EPPK1: variants seen among roughly 807,000 people sequenced by gnomAD.
EPPK1 encodes epiplakin 1, also known as epiplakin.
For synonymous variants in EPPK1, 1,862 were observed against 1,721.2 expected (o/e 1.08, Z -2.03); for missense variants, 3,823 against 3,673.3 (o/e 1.04, Z -1.05).
chr8:143,871,888 C>G lies in EPPK1; in HGVS notation c.1366G>C (p.Val456Leu), dbSNP rs782354575. Reference protein sequence around the residue: ...LRYEQLLALCVTDPETGLAFL... With the variant: ...LRYEQLLALCLTDPETGLAFL... ...GCAAGCCCGGTCTCTGGGTCGGTGA[C>G]ACAGAGGGCCAGCAGCTGTTCATAG... The change falls in exon 2 of 2, where the codon GTC becomes CTC. Residue 456 changes from valine to leucine, a missense_variant. Val to Leu is a conservative substitution (Grantham distance 32). Transcript: ENST00000615648. 3.1e-6 allele frequency: 5 copies of G among 1,609,668 alleles called. No individual in the cohort carries two copies. The African/African-American group carries it at 4.0e-5, about 13-fold the overall frequency.
intron 1 of EPPK1, among the ~76,000 whole-genome samples, chr8:143,873,930 C>A (rs1469955223): frequency 6.6e-6 from 1 of 152,198 alleles, no homozygotes; most frequent in Non-Finnish European, 1.5e-5. Context: ...AAGACCCCAG[C>A]CCTCTGAAGC....
Position 143,875,988 on chromosome 8 carries a change from C to T in EPPK1, c.-46+2450G>A, listed in dbSNP as rs557907743. ...GACCTATGATGGAGCTTGGGCTCCT[C>T]GACCCCACAGCTCTGGGGCGGGTGG... On this transcript the variant is annotated intron_variant, in intron 1 of 1. Transcript: ENST00000615648. 7.2e-5 allele frequency among the ~76,000 whole-genome samples: 11 copies of T among 152,060 alleles called. No individual in the cohort carries two copies. The South Asian group carries it at 1.5e-3, about 20-fold the overall frequency.
chr8:143,871,425 C>T lies in EPPK1; in HGVS notation c.1829G>A (p.Gly610Asp). The T allele has an allele frequency of 1.9e-6, 3 of 1,604,534 alleles. No homozygotes were observed. Among genetic ancestry groups the T allele is most frequent in the South Asian group, 1.1e-5 (1 of 89,726 alleles). The stretch of plus-strand genomic sequence containing the variant: ...AGGGAGCAGCAGGCCAGCAATGCAG[C>T]CCGTACCCTGCAGGTACCTCTGCAC... ...ASVQRYLQGT[G>D]CIAGLLLPGS... Residue 610 changes from glycine to aspartate, a missense_variant, in exon 2 of 2, where the codon GGC becomes GAC. Transcript: ENST00000615648.
In EPPK1 at chr8:143,869,526, C is replaced by A; in HGVS notation, c.3728G>T (p.Trp1243Leu). The change falls in exon 2 of 2, where the codon TGG (tryptophan) becomes TTG (leucine). Residue 1243 changes from tryptophan (W) to leucine (L), a missense_variant. Physicochemically the swap from Trp to Leu is moderately conservative, Grantham distance 61. Coordinates refer to ENST00000615648, the MANE Select transcript of EPPK1 (RefSeq NM_031308.4). ...CACACCGGCCACGCAGCCTGTGCCC[C>A]ACAGGCAGGCCTTCACCGCCGGCTG... ...AEQPAVKACL[W>L]GTGCVAGVLL... 6.4e-7 allele frequency: 1 copy of A among 1,560,752 alleles called. No homozygotes were observed. The highest frequency in any genetic ancestry group is 8.6e-7 in the Non-Finnish European group (1 of 1,156,310).
In EPPK1 at chr8:143,868,303, C is replaced by T. The variant is rs200748786; in HGVS notation, c.4951G>A (p.Gly1651Ser). 6.8e-4 allele frequency: 1,102 copies of T among 1,613,024 alleles called. No individual in the cohort carries two copies. The highest frequency in any genetic ancestry group is 8.5e-4 in the Non-Finnish European group (1,001 of 1,180,024). The change falls in exon 2 of 2, where the codon GGC (glycine) becomes AGC (serine). Residue 1651 changes from glycine (G) to serine (S), a missense_variant. By Grantham distance (56) the Gly-to-Ser change is moderately conservative (BLOSUM62 0). Transcript: ENST00000615648. Reference sequence around the variant, plus strand: ...TGCCCGGTATAGGGGTCGGTGTAGCCGGTGACGGCGCGCTCGGCCGACAGC... The same window carrying T: ...TGCCCGGTATAGGGGTCGGTGTAGCTGGTGACGGCGCGCTCGGCCGACAGC... ...KLLSAERAVT[G>S]YTDPYTGQQI...
At chr8:143,876,517 G>T (rs372327439) in intron 1 of EPPK1, among the ~76,000 whole-genome samples, 1 of 152,180 alleles carries the variant, frequency 6.6e-6, no homozygotes, top group South Asian at 2.1e-4. Flanking sequence ...CTTCTCCTTC[G>T]TCCACCTGCT....
In EPPK1 at chr8:143,872,011, G is replaced by T; in HGVS notation, c.1243C>A (p.Leu415Met). ...CAGCCGCAGCGCAGGGCGGCCTCCA[G>T]GGGCAGCCGGAGCCTGCGTGCTGGA... ...VCPARRLRLP[L>M]EAALRCGCLD... The change falls in exon 2 of 2, where the codon CTG becomes ATG. Residue 415 changes from leucine to methionine, a missense_variant. Leu to Met is a conservative substitution (Grantham distance 15). Transcript: ENST00000615648. 6.4e-7 allele frequency: 1 copy of T among 1,571,240 alleles called. No homozygotes were observed.
Position 143,868,492 on chromosome 8 carries a change from G to A in EPPK1, c.4762C>T (p.Pro1588Ser), listed in dbSNP as rs782581659. 1.2e-6 allele frequency: 2 copies of A among 1,611,158 alleles called. No homozygotes were observed. The highest frequency in any genetic ancestry group is 1.7e-6 in the Non-Finnish European group (2 of 1,179,350). The change falls in exon 2 of 2, where the codon CCA becomes TCA. Residue 1588 changes from proline to serine, a missense_variant. By Grantham distance (74) the Pro-to-Ser change is moderately conservative. Coordinates refer to ENST00000615648, the MANE Select transcript of EPPK1 (RefSeq NM_031308.4). ...AGGATGTGCCTCCTCAGGGCCTCTG[G>A]GATGCTCATCCTCTCCTGGGTGCCC... Reference protein sequence around the residue: ...IQGTQERMSIPEALRRHILRP... With the variant: ...IQGTQERMSISEALRRHILRP...
chr8:143,868,208 C>T lies in EPPK1; in HGVS notation c.5046G>A (p.Glu1682=). The part of the protein sequence containing the change: ...IVREHGIRLL[E]AQIATGGIID... ...TGATGCCGCCCGTGGCGATCTGGGC[C>T]TCCAGCAGGCGGATGCCGTGCTCCC... Residue 1682 remains glutamate (E), a synonymous_variant, in exon 2 of 2, where the codon GAG becomes GAA. Transcript: ENST00000615648. 6.2e-7 allele frequency: 1 copy of T among 1,613,164 alleles called. No homozygotes were observed. The highest frequency in any genetic ancestry group is 8.5e-7 in the Non-Finnish European group (1 of 1,180,028).
chr8:143,867,071 C>G lies in EPPK1; in HGVS notation c.6183G>C (p.Glu2061Asp), dbSNP rs782182830. Residue 2061 changes from glutamate to aspartate, a missense_variant, in exon 2 of 2, where the codon GAG becomes GAC. By Grantham distance (45) the Glu-to-Asp change is conservative (BLOSUM62 2). Coordinates refer to ENST00000615648, the MANE Select transcript of EPPK1 (RefSeq NM_031308.4). ...RKRFVDPNTQ[E>D]KVSYRELQER... is the part of the protein sequence containing the mutation. ...CCTGCAGCTCTCGGTACGAGACCTT[C>G]TCTTGCGTGTTCGGGTCCACAAACC... The G allele has an allele frequency of 5.6e-6, 9 of 1,612,864 alleles. No homozygotes were observed. The highest frequency in any genetic ancestry group is 5.3e-5 in the African/African-American group (4 of 74,938).
Position 143,868,507 on chromosome 8 carries a change from C to T in EPPK1, c.4747G>A (p.Glu1583Lys). 6.2e-7 allele frequency: 1 copy of T among 1,609,406 alleles called. No individual in the cohort carries two copies. Among genetic ancestry groups the T allele is most frequent in the African/African-American group, 1.3e-5 (1 of 74,972 alleles). Residue 1583 changes from glutamate (E) to lysine (K), a missense_variant, in exon 2 of 2, where the codon GAG becomes AAG. By Grantham distance (56) the Glu-to-Lys change is moderately conservative. Coordinates refer to ENST00000615648, the MANE Select transcript of EPPK1 (RefSeq NM_031308.4). ...AGGGCCTCTGGGATGCTCATCCTCT[C>T]CTGGGTGCCCTGGATAAGGACCCCG... is the stretch of plus-strand genomic sequence containing the variant. ...IAGVLIQGTQ[E>K]RMSIPEALRR...
chr8:143,875,021 G>A (rs1045885604), intron 1 of EPPK1, among the ~76,000 whole-genome samples: 6 of 152,162 alleles, frequency 3.9e-5, no homozygotes, highest in East Asian at 1.9e-4. Context: ...CTCCATCTTC[G>A]TTCACCCATT....
At position 143,867,929 on chromosome 8, in the gene EPPK1, G is replaced by A. The variant is rs73375119; in HGVS notation, c.5325C>T (p.His1775=). The A allele has an allele frequency of 2.6e-3, 4,161 of 1,613,572 alleles. 94 individuals are homozygous for A. In the African/African-American group the frequency reaches 0.047, roughly 18 times the overall value. ...TTTTTGCAGTTCTGGATTGCAACAC[G>A]TGTCTCGTGGCCTCATTGATGTACA... is the stretch of plus-strand genomic sequence containing the variant. ...NYVYINEATR[H]VLQSRTAKMR... The change falls in exon 2 of 2, where the codon CAC becomes CAT. Residue 1775 remains histidine (H), a synonymous_variant. Coordinates refer to ENST00000615648, the MANE Select transcript of EPPK1 (RefSeq NM_031308.4).
Position 143,867,126 on chromosome 8 carries a change from A to G in EPPK1, c.6128T>C (p.Leu2043Pro), listed in dbSNP as rs1554659326. The change falls in exon 2 of 2, where the codon CTC (leucine) becomes CCC (proline). Residue 2043 changes from leucine to proline, a missense_variant. Transcript: ENST00000615648. ...CCTCATGTGCTTCTGGTCGGAAATG[A>G]GCGCATAGATGTCCTTGTGCAGACA... Reference protein sequence around the residue: ...RGCLHKDIYALISDQKHMRKR... With the variant: ...RGCLHKDIYAPISDQKHMRKR... 2.5e-6 allele frequency: 4 copies of G among 1,612,830 alleles called. No homozygotes were observed. Among genetic ancestry groups the G allele is most frequent in the African/African-American group, 1.3e-5 (1 of 75,004 alleles).
intron 1 of EPPK1, among the ~76,000 whole-genome samples, 166 bp from the exon 2 acceptor site, chr8:143,873,464 CG>C: frequency 6.6e-6 from 1 of 152,092 alleles, no homozygotes; most frequent in South Asian, 2.1e-4. Context: ...CACTCTGCCG[CG>C]GGGGTGCCAA....
rs1405607037 is a variant in EPPK1 at position 143,866,390 on chromosome 8, G to A, written c.6864C>T (p.Ala2288=). 5.5e-5 allele frequency: 56 copies of A among 1,013,110 alleles called. No homozygotes were observed. In the Middle Eastern group the frequency reaches 9.6e-4, roughly 17 times the overall value. 62.8% of individuals were successfully genotyped at this position (1,013,110 alleles called of 1,614,324 possible). A position where few individuals can be genotyped will look rare whatever the true frequency, so the allele number is the denominator to read the frequency against. The change falls in exon 2 of 2, where the codon GCC becomes GCT. Residue 2288 remains alanine (A), a synonymous_variant. Transcript: ENST00000615648. ...GGATCTCGCCGCCCACCACGCCCGC[G>A]GCCACGGCCTCCTCCACCGACAGCC... ...NLRLSVEEAV[A]AGVVGGEIQE... is the part of the protein sequence containing the mutation.
rs1191778523 is a variant in EPPK1 at position 143,871,664 on chromosome 8, C to T, written c.1590G>A (p.Gln530=). 5 of 1,602,752 alleles carry T rather than the reference C, an allele frequency of 3.1e-6. No homozygotes were observed. The highest frequency in any genetic ancestry group is 1.6e-4 in the Middle Eastern group (1 of 6,074). ...CCACGGAGAGGGTCCCTTCCTGGTA[C>T]TGCTGGGCCAGCATCGCCCTCTGCT... ...SSEQRAMLAQ[Q]YQEGTLSVEK... is the part of the protein sequence containing the mutation. The change falls in exon 2 of 2, where the codon CAG becomes CAA. Residue 530 remains glutamine (Q), a synonymous_variant. Transcript: ENST00000615648.
rs560287631 is a variant in EPPK1 at position 143,867,155 on chromosome 8, C to T, written c.6099G>A (p.Arg2033=). The T allele has an allele frequency of 1.9e-5, 30 of 1,612,790 alleles. No homozygotes were observed. In the South Asian group the frequency reaches 3.1e-4, roughly 17 times the overall value. The change falls in exon 2 of 2, where the codon CGG becomes CGA. Residue 2033 remains arginine (R), a synonymous_variant. Coordinates refer to ENST00000615648, the MANE Select transcript of EPPK1 (RefSeq NM_031308.4). ...CATAGATGTCCTTGTGCAGACAGCC[C>T]CGTCTGTAGGCTGTTTCCAGTGGGA... ...HRLPLETAYR[R]GCLHKDIYAL...
chr8:143,871,450 C>T lies in EPPK1; in HGVS notation c.1804G>A (p.Val602Met), dbSNP rs200172801. ...CCCGTACCCTGCAGGTACCTCTGCA[C>T]CGAGGCCAGGCTGCCCACATCCTTG... ...TAKDVGSLAS[V>M]QRYLQGTGCI... is the part of the protein sequence containing the mutation. Residue 602 changes from valine to methionine, a missense_variant, in exon 2 of 2, where the codon GTG becomes ATG. Coordinates refer to ENST00000615648, the MANE Select transcript of EPPK1 (RefSeq NM_031308.4). 2.3e-4 allele frequency: 375 copies of T among 1,606,456 alleles called. No homozygotes were observed. The highest frequency in any genetic ancestry group is 2.9e-4 in the Non-Finnish European group (345 of 1,177,666).
Sources: allele counts gnomAD v4.1 joint callset (sites outside exome capture counted in the v4.1 genomes callset), GRCh38; gene constraint gnomAD v4.1.1; transcripts MANE v1.5; gene names NCBI Gene and HGNC (gene_info 2026-07-23, HGNC 2026-07-21).